The following RPRD1B variants were observed in gnomAD, a reference collection of about 807,000 sequenced individuals.
The protein encoded by RPRD1B is regulation of nuclear pre-mRNA domain-containing protein 1B.
RPRD1B carries 11 observed loss-of-function variants against 41.5 expected under a neutral mutation model. The observed-to-expected ratio is 0.27, with a 90% CI of 0.17 to 0.44. The LOEUF is 0.44. Ranked by LOEUF, RPRD1B falls within the 20% of genes least tolerant of loss-of-function variation. The probability of loss-of-function intolerance (pLI) is 1.00; values close to 1 mark genes in which losing one functional copy is unlikely to be tolerated. For synonymous variants in RPRD1B, 158 were observed against 155.6 expected (o/e 1.02, Z -0.12); for missense variants, 248 against 389.9 (o/e 0.64, Z 3.06).
chr20:38,067,055 A>G (rs2074365108), intron 6 of RPRD1B, among the ~76,000 whole-genome samples: 1 of 152,210 alleles, frequency 6.6e-6, no homozygotes, highest in Non-Finnish European at 1.5e-5. Context: ...AGTAGTATTT[A>G]TATAGCACAG....
At chr20:38,072,689 G>A (rs1481081466) in intron 6 of RPRD1B, among the ~76,000 whole-genome samples, 1 of 152,150 alleles carries the variant, frequency 6.6e-6, no homozygotes, top group African/African-American at 2.4e-5. Flanking sequence ...TTCTGCTGCA[G>A]AATTTTAAAA....
In RPRD1B at chr20:38,091,700, C is replaced by T. The variant is rs2074613504; in HGVS notation, c.*1825C>T. The stretch of plus-strand genomic sequence containing the variant: ...TTGGAGCAGGCCCATCTGGGACACT[C>T]TATGCTTTCACCAAGGAAGTGCGAT... On this transcript the variant is annotated 3_prime_UTR_variant, in exon 7 of 7. Coordinates refer to ENST00000373433, the MANE Select transcript of RPRD1B (RefSeq NM_021215.4). 2.0e-6 allele frequency: 2 copies of T among 985,498 alleles called. No homozygotes were observed. Among genetic ancestry groups the T allele is most frequent in the African/African-American group, 3.5e-5 (2 of 57,212 alleles). The allele number at this position is 985,498 out of a possible 1,614,324, so 61.0% of individuals were successfully genotyped here.
At chr20:38,055,974 G>A (rs2074236257) in intron 3 of RPRD1B, among the ~76,000 whole-genome samples, 1 of 152,204 alleles carries the variant, frequency 6.6e-6, no homozygotes, top group Non-Finnish European at 1.5e-5. Context: ...TGAGGGACTG[G>A]TGTCATTTAA....
intron 6 of RPRD1B, among the ~76,000 whole-genome samples, chr20:38,086,746 G>A (rs1342268054): frequency 6.6e-6 from 1 of 152,210 alleles, no homozygotes; most frequent in African/African-American, 2.4e-5. Flanking sequence ...CCTGCGAGAA[G>A]AGTCACCCAG....
intron 2 of RPRD1B, among the ~76,000 whole-genome samples, chr20:38,042,410 A>G (rs2074075771): frequency 6.6e-6 from 1 of 152,170 alleles, no homozygotes; most frequent in African/African-American, 2.4e-5. Flanking sequence ...ACCAAAAAGT[A>G]AATAGAAAGG....
intron 2 of RPRD1B, among the ~76,000 whole-genome samples, chr20:38,043,010 A>G (rs1316991555): frequency 6.6e-6 from 1 of 152,190 alleles, no homozygotes; most frequent in Non-Finnish European, 1.5e-5. Flanking sequence ...TGTCCATGTC[A>G]TTTTTCATTC....
rs1441763113 is a variant in RPRD1B at position 38,066,208 on chromosome 20, T to C, written c.783T>C (p.Tyr261=). 6.2e-7 allele frequency: 1 copy of C among 1,614,040 alleles called. No individual in the cohort carries two copies. The highest frequency in any genetic ancestry group is 8.5e-7 in the Non-Finnish European group (1 of 1,180,038). Residue 261 remains tyrosine, a synonymous_variant, in exon 6 of 7, where the codon TAT becomes TAC. Coordinates refer to ENST00000373433, the MANE Select transcript of RPRD1B (RefSeq NM_021215.4). ...RRQLARMLVE[Y]TQNQKDVLSE... Reference sequence around the variant, plus strand: ...AGCTGGCTCGGATGTTGGTGGAGTATACCCAGAATCAGAAAGATGTTTTGT... The same window carrying C: ...AGCTGGCTCGGATGTTGGTGGAGTACACCCAGAATCAGAAAGATGTTTTGT...
chr20:38,091,621 T>A lies in RPRD1B; in HGVS notation c.*1746T>A. On this transcript the variant is annotated 3_prime_UTR_variant, in exon 7 of 7. Coordinates refer to ENST00000373433, the MANE Select transcript of RPRD1B (RefSeq NM_021215.4). ...ATTGTAATCTTTGCTGCTGCTGCAC[T>A]CCCCAACCTCTCCCCCACCCCCCGT... 11 of 985,656 alleles carry A rather than the reference T, an allele frequency of 1.1e-5. No individual in the cohort carries two copies. The highest frequency in any genetic ancestry group is 1.3e-5 in the Non-Finnish European group (11 of 830,138). 61.1% of individuals were successfully genotyped at this position (985,656 alleles called of 1,614,324 possible).
intron 6 of RPRD1B, chr20:38,070,368 A>C (rs2074399545): frequency 1.0e-6 from 1 of 985,556 alleles, no homozygotes; most frequent in East Asian, 1.1e-4. Context: ...GGAAGGAAGC[A>C]CAAATGGCAG....
intron 6 of RPRD1B, among the ~76,000 whole-genome samples, chr20:38,076,257 G>T (rs750658501): frequency 2.0e-5 from 3 of 152,168 alleles, no homozygotes; most frequent in Non-Finnish European, 4.4e-5. Context: ...TTCCATTGAA[G>T]CCAGTGGTCC....
intron 6 of RPRD1B, among the ~76,000 whole-genome samples, chr20:38,082,727 C>A (rs182432415): frequency 3.2e-4 from 48 of 152,282 alleles, no homozygotes; most frequent in Non-Finnish European, 5.7e-4. Flanking sequence ...CCATCTCCCT[C>A]CAGTAGAAAA....
intron 6 of RPRD1B, among the ~76,000 whole-genome samples, chr20:38,066,718 C>T (rs903295459): frequency 5.3e-5 from 8 of 151,936 alleles, no homozygotes; most frequent in Non-Finnish European, 1.0e-4. Context: ...TGCAGCGGTG[C>T]GATCTCGGCT....
chr20:38,043,866 A>G (rs997360008), intron 2 of RPRD1B, among the ~76,000 whole-genome samples: 2 of 152,208 alleles, frequency 1.3e-5, no homozygotes, highest in African/African-American at 2.4e-5. Flanking sequence ...TGTTTTGGCC[A>G]GGCCGAGTGT....
chr20:38,090,823 G>C lies in RPRD1B; in HGVS notation c.*948G>C. 1.0e-6 allele frequency: 1 copy of C among 985,456 alleles called. No individual in the cohort carries two copies. Among genetic ancestry groups the C allele is most frequent in the South Asian group, 4.7e-5 (1 of 21,286 alleles). The allele number at this position is 985,456 out of a possible 1,614,324, so 61.0% of individuals were successfully genotyped here. On this transcript the variant is annotated 3_prime_UTR_variant, in exon 7 of 7. Transcript: ENST00000373433. ...CACACTAACGTTTAATCCGCTGTCT[G>C]GGTGCATGTCCACAGTACGGTGGCT...
At chr20:38,049,304 T>C (rs1344178561) in intron 3 of RPRD1B, among the ~76,000 whole-genome samples, 3 of 151,928 alleles carry the variant, frequency 2.0e-5, no homozygotes, top group African/African-American at 7.3e-5. Context: ...TGCATCTGTG[T>C]GTGAATTTTG....
chr20:38,086,743 G>GACGCTGAC (rs1454548891), intron 6 of RPRD1B, among the ~76,000 whole-genome samples: 2 of 152,194 alleles, frequency 1.3e-5, no homozygotes, highest in Non-Finnish European at 2.9e-5. Context: ...GTCCCTGCGA[G>GACGCTGAC]AAGAGTCACC....
At chr20:38,048,256 G>A (rs753673333) in intron 2 of RPRD1B, 92 bp from the exon 3 acceptor site, 36 of 1,294,288 alleles carry the variant, frequency 2.8e-5, no homozygotes, top group Non-Finnish European at 3.8e-5. Context: ...CATTTAGTCA[G>A]TTGTTGATTT....
chr20:38,051,852 A>G (rs760854654), intron 3 of RPRD1B, among the ~76,000 whole-genome samples: 1 of 152,184 alleles, frequency 6.6e-6, no homozygotes, highest in Non-Finnish European at 1.5e-5. Flanking sequence ...CCCAGGTTCA[A>G]GTGATTCTCC....
At chr20:38,062,218 C>T (rs1312398494) in intron 5 of RPRD1B, among the ~76,000 whole-genome samples, 4 of 152,204 alleles carry the variant, frequency 2.6e-5, no homozygotes, top group African/African-American at 9.7e-5. Context: ...TAGCTTTCCT[C>T]CTCTCTTTCT....
Sources: allele counts gnomAD v4.1 joint callset (sites outside exome capture counted in the v4.1 genomes callset), GRCh38; gene constraint gnomAD v4.1.1; transcripts MANE v1.5; gene names NCBI Gene and HGNC (gene_info 2026-07-23, HGNC 2026-07-21).